Variants in ATP6V0A2 observed in about 807,000 individuals in gnomAD.
ATP6V0A2 encodes the protein ATPase H+ transporting V0 subunit a2.
Under a neutral mutation model 104.4 loss-of-function variants are expected in ATP6V0A2, and 58 were observed. The observed-to-expected ratio is 0.56, with a 90% confidence interval of 0.45 to 0.69. ATP6V0A2 has a LOEUF of 0.69. Among genes scored for constraint, ATP6V0A2 ranks in the 30% least tolerant of loss-of-function variants. The probability of loss-of-function intolerance (pLI) is 0.00; values close to 1 mark genes in which losing one functional copy is unlikely to be tolerated. For missense variants in ATP6V0A2, 938 were observed against 1,062.9 expected, an observed-to-expected ratio of 0.88 and a Z score of 1.63; for synonymous variants, 376 against 397.9, an observed-to-expected ratio of 0.95 and a Z score of 0.65.
At chr12:123,751,307 C>A in intron 16 of ATP6V0A2, 78 bp downstream of exon 16, 1 of 1,599,460 alleles carries the variant, frequency 6.3e-7, no homozygotes, top group Non-Finnish European at 8.6e-7. Flanking sequence ...GTAGAAAACA[C>A]CTCCTGGAGG....
At chr12:123,745,019 C>T (rs1956647696) in intron 13 of ATP6V0A2, 47 bp downstream of exon 13, 1 of 1,573,482 alleles carries the variant, frequency 6.4e-7, no homozygotes, top group Admixed American at 1.7e-5. Context: ...TCTGTGGTGC[C>T]ACCTAGCTTC....
chr12:123,759,744 T>C lies in ATP6V0A2; in HGVS notation c.*1712T>C, dbSNP rs1956792813. 1 of 152,210 alleles carries C rather than the reference T, an allele frequency of 6.6e-6. No homozygotes were observed. The highest frequency in any genetic ancestry group is 2.4e-5 in the African/African-American group (1 of 41,458). 9.4% of individuals were successfully genotyped at this position (152,210 alleles called of 1,614,324 possible). ...GTGCAGCTGATTTCAAGGCATGAGC[T>C]GAACAGCGTTGACACAGCCGTGACT... On this transcript the variant is annotated 3_prime_UTR_variant, in exon 20 of 20. Coordinates refer to ENST00000330342, the MANE Select transcript of ATP6V0A2 (RefSeq NM_012463.4).
chr12:123,726,095 GTAGT>G lies in ATP6V0A2; in HGVS notation c.433-94_433-91del, dbSNP rs1452008981. ...CAGAAGTCTTTGCACCCAGATCTAA[GTAGT>G]TAGTTAGGATGCCCTATAAACTTGT... On this transcript the variant is annotated intron_variant, in intron 4 of 19. Transcript: ENST00000330342. 2.6e-5 allele frequency: 22 copies of G among 836,496 alleles called. No individual in the cohort carries two copies. The African/African-American group carries it at 2.7e-4, about 10-fold the overall frequency. The allele number at this position is 836,496 out of a possible 1,614,324, so 51.8% of individuals were successfully genotyped here.
chr12:123,713,513 C>T (rs1412010288), intron 1 of ATP6V0A2, among the ~76,000 whole-genome samples: 1 of 152,096 alleles, frequency 6.6e-6, no homozygotes, highest in Admixed American at 6.5e-5. Context: ...CATCGATAGG[C>T]ATTTGTTGAA....
chr12:123,740,860 C>A (rs1021546160), intron 9 of ATP6V0A2, among the ~76,000 whole-genome samples: 1 of 151,946 alleles, frequency 6.6e-6, no homozygotes, highest in African/African-American at 2.4e-5. Context: ...GAAATAATTT[C>A]TTTCTTTTTT....
chr12:123,716,884 C>T (rs544127121), intron 1 of ATP6V0A2, among the ~76,000 whole-genome samples: 1 of 152,004 alleles, frequency 6.6e-6, no homozygotes, highest in Admixed American at 6.5e-5. Flanking sequence ...TGCTCATTTA[C>T]AGTTAATCCT....
chr12:123,739,980 C>G (rs1233492984), intron 9 of ATP6V0A2, among the ~76,000 whole-genome samples: 1 of 151,992 alleles, frequency 6.6e-6, no homozygotes, highest in East Asian at 1.9e-4. Context: ...GCCTGGGCAA[C>G]ATGGTTAAAC....
Position 123,741,169 on chromosome 12 carries a change from C to T in ATP6V0A2, c.1039-2616C>T, listed in dbSNP as rs77176754. On this transcript the variant is annotated intron_variant, in intron 9 of 19. Transcript: ENST00000330342. ...TTTTGAGGCTGGATGCGGTAACTCACGCTGGTAATCCCAGCACTCTGGAGG... is the reference window on the plus strand; with the variant it reads ...TTTTGAGGCTGGATGCGGTAACTCATGCTGGTAATCCCAGCACTCTGGAGG... Among the ~76,000 whole-genome samples, 446 of 152,168 alleles carry T rather than the reference C, an allele frequency of 2.9e-3. 4 individuals carry two copies. The highest frequency in any genetic ancestry group is 0.01 in the African/African-American group (418 of 41,524).
chr12:123,725,390 T>G (rs1956439842), intron 4 of ATP6V0A2, among the ~76,000 whole-genome samples: 1 of 152,200 alleles, frequency 6.6e-6, no homozygotes, highest in East Asian at 1.9e-4. Context: ...AAAATTTTTA[T>G]GAGCATGAGA....
At chr12:123,727,292 CTTT>C (rs10607481) in intron 5 of ATP6V0A2, among the ~76,000 whole-genome samples, 170 of 146,826 alleles carry the variant, frequency 1.2e-3, no homozygotes, top group African/African-American at 1.5e-3. Context: ...GAATTTCTCT[CTTT>C]TTTTTTTTTT....
Position 123,751,181 on chromosome 12 carries a change from G to A in ATP6V0A2, c.2007G>A (p.Leu669=). 6.2e-7 allele frequency: 1 copy of A among 1,614,208 alleles called. No homozygotes were observed. The stretch of plus-strand genomic sequence containing the variant: ...CTGTCCTCTTCTTGGGAAAGCCACT[G>A]TTTTTGTTGTGGCTTCACAATGGGC... ...SVPVLFLGKP[L]FLLWLHNGRS... The change falls in exon 16 of 20, where the codon CTG becomes CTA. Residue 669 remains leucine, a synonymous_variant. Transcript: ENST00000330342.
Position 123,744,347 on chromosome 12 carries a change from T to C in ATP6V0A2, c.1326+10T>C. The stretch of plus-strand genomic sequence containing the variant: ...AAATCAGTCACAAGAGGTAAAAATA[T>C]AAACACTCCAGCTCATATATCTGGT... On this transcript the variant is annotated intron_variant, in intron 11 of 19. Coordinates refer to ENST00000330342, the MANE Select transcript of ATP6V0A2 (RefSeq NM_012463.4). This position sits in a 1 kb window ranked among gnomAD's most constrained non-coding sequence, Gnocchi z 5.4. The C allele has an allele frequency of 1.2e-6, 2 of 1,614,214 alleles. No individual in the cohort carries two copies. Among genetic ancestry groups the C allele is most frequent in the Non-Finnish European group, 1.7e-6 (2 of 1,180,028 alleles).
Position 123,744,303 on chromosome 12 carries a change from A to C in ATP6V0A2, c.1292A>C (p.Asn431Thr), listed in dbSNP as rs775434764. 1 of 1,614,240 alleles carries C rather than the reference A, an allele frequency of 6.2e-7. No individual in the cohort carries two copies. Among genetic ancestry groups the C allele is most frequent in the South Asian group, 1.1e-5 (1 of 91,086 alleles). The change falls in exon 11 of 20, where the codon AAT becomes ACT. Residue 431 changes from asparagine to threonine, a missense_variant. Transcript: ENST00000330342. This position sits in a 1 kb window ranked among gnomAD's most constrained non-coding sequence, Gnocchi z 5.4. Reference protein sequence around the residue: ...MFLFALLLVLNENHPRLNQSQ... With the variant: ...MFLFALLLVLTENHPRLNQSQ... Reference sequence around the variant, plus strand: ...TTATTTGCCCTCTTGTTGGTGTTAAATGAAAATCATCCCAGACTAAATCAG... The same window carrying C: ...TTATTTGCCCTCTTGTTGGTGTTAACTGAAAATCATCCCAGACTAAATCAG...
At position 123,737,252 on chromosome 12, in the gene ATP6V0A2, G is replaced by T. The variant is rs188879714; in HGVS notation, c.1019G>T (p.Arg340Leu). ...CPEADLQDLR[R>L]ALEEGSRESG... is the part of the protein sequence containing the mutation. The stretch of plus-strand genomic sequence containing the variant: ...GAGGCGGATCTGCAGGACCTGCGCC[G>T]GGCACTGGAGGAGGGCTCGGTAAGG... The change falls in exon 9 of 20, where the codon CGG becomes CTG. Residue 340 changes from arginine to leucine, a missense_variant. Arg to Leu is a moderately radical substitution (Grantham distance 102). Transcript: ENST00000330342. 6.2e-7 allele frequency: 1 copy of T among 1,614,114 alleles called. No homozygotes were observed. Among genetic ancestry groups the T allele is most frequent in the Non-Finnish European group, 8.5e-7 (1 of 1,180,040 alleles).
At chr12:123,740,513 G>T (rs1248738953) in intron 9 of ATP6V0A2, among the ~76,000 whole-genome samples, 1 of 152,172 alleles carries the variant, frequency 6.6e-6, no homozygotes, top group African/African-American at 2.4e-5. Flanking sequence ...GCCTGGCCCA[G>T]AATGTGTCTC....
intron 14 of ATP6V0A2, 73 bp from the exon 15 acceptor site, chr12:123,748,502 A>G: frequency 8.8e-7 from 1 of 1,131,494 alleles, no homozygotes; most frequent in Non-Finnish European, 1.3e-6. Flanking sequence ...GTTTAGTTGC[A>G]GAGAGTTTAA....
At chr12:123,756,572 G>A in intron 18 of ATP6V0A2, 1 of 538,428 alleles carries the variant, frequency 1.9e-6, no homozygotes, top group Non-Finnish European at 3.3e-6. Context: ...TCTGGGGCAA[G>A]ACCTCCCTTT....
Position 123,759,075 on chromosome 12 carries a change from T to G in ATP6V0A2, c.*1043T>G, listed in dbSNP as rs796430001. The G allele has an allele frequency of 2.0e-5, 3 of 152,776 alleles. No homozygotes were observed. Among genetic ancestry groups the G allele is most frequent in the African/African-American group, 7.2e-5 (3 of 41,578 alleles). 9.5% of individuals were successfully genotyped at this position (152,776 alleles called of 1,614,324 possible). On this transcript the variant is annotated 3_prime_UTR_variant, in exon 20 of 20. Coordinates refer to ENST00000330342, the MANE Select transcript of ATP6V0A2 (RefSeq NM_012463.4). ...CCCAGTGTGACTGTAGAAGATATAA[T>G]GCGGACATGATTTGAATTTAGTGAC...
intron 14 of ATP6V0A2, 79 bp downstream of exon 14, chr12:123,747,804 G>A (rs1484094692): frequency 4.5e-6 from 4 of 894,808 alleles, no homozygotes; most frequent in Non-Finnish European, 7.5e-6. Context: ...GTTGGTGACT[G>A]TATTTATTGG....
Sources: gnomAD v4.1 joint callset for allele counts (sites outside exome capture counted in the v4.1 genomes callset) on GRCh38, gnomAD v4.1.1 for gene constraint, Gnocchi (gnomAD v3.1) non-coding constraint, MANE v1.5 for transcripts, NCBI Gene and HGNC (gene_info 2026-07-23, HGNC 2026-07-21) for gene names.